The following PDGFRL variants were observed in gnomAD, a reference collection of about 807,000 sequenced individuals.
PDGFRL encodes platelet derived growth factor receptor like.
A neutral mutation model predicts 37.2 loss-of-function variants in PDGFRL; 46 were observed. That is an observed-to-expected ratio of 1.24 (90% CI 0.98 to 1.58). PDGFRL has a LOEUF of 1.58. Ranked by LOEUF, PDGFRL falls within the 40% of genes most tolerant of loss-of-function variation. PDGFRL has a pLI of 0.00. For synonymous variants in PDGFRL, 251 were observed against 184.3 expected, an observed-to-expected ratio of 1.36 and a Z score of -2.93; for missense variants, 692 against 467.6, an observed-to-expected ratio of 1.48 and a Z score of -4.43.
chr8:17,601,735 C>T lies in PDGFRL; in HGVS notation c.353+11970C>T, dbSNP rs141072013. On this transcript the variant is annotated intron_variant, in intron 2 of 5. Coordinates refer to ENST00000251630, the MANE Select transcript of PDGFRL (RefSeq NM_001372073.1). ...GCATGTGGTATTTAGTCTTCAGTTC[C>T]TGTGTTGGTTTACTTAGGATAATGG... Among the ~76,000 whole-genome samples, 391 of 152,170 alleles carry T rather than the reference C, an allele frequency of 2.6e-3. 5 individuals carry two copies. Among genetic ancestry groups the T allele is most frequent in the African/African-American group, 8.8e-3 (367 of 41,520 alleles).
chr8:17,640,659 G>T lies in PDGFRL; in HGVS notation c.940-1954G>T, dbSNP rs538622157. Among the ~76,000 whole-genome samples, 28 of 152,284 alleles carry T rather than the reference G, an allele frequency of 1.8e-4. No homozygotes were observed. The East Asian group carries it at 4.8e-3, about 26-fold the overall frequency. On this transcript the variant is annotated intron_variant, in intron 5 of 5. Transcript: ENST00000251630. ...CTCTCAGCCATGGATGCCAGCAGCT[G>T]CTCTAATGGAGGTGGCAGGGGAGTG...
At chr8:17,636,162 T>C (rs967159396) in intron 5 of PDGFRL, among the ~76,000 whole-genome samples, 3 of 152,210 alleles carry the variant, frequency 2.0e-5, no homozygotes, top group African/African-American at 7.2e-5. Flanking sequence ...ATTTGCTTTT[T>C]GGTTCTTGGT....
At chr8:17,611,532 A>G (rs968955100) in intron 2 of PDGFRL, among the ~76,000 whole-genome samples, 1 of 152,140 alleles carries the variant, frequency 6.6e-6, no homozygotes, top group African/African-American at 2.4e-5. Context: ...TTTTGGTCAG[A>G]TAGAAGAAGA....
chr8:17,639,105 T>C (rs562875857), intron 5 of PDGFRL, among the ~76,000 whole-genome samples: 12 of 152,158 alleles, frequency 7.9e-5, no homozygotes, highest in African/African-American at 2.9e-4. Flanking sequence ...GGTGTCCCTT[T>C]GCATGGAATA....
intron 2 of PDGFRL, among the ~76,000 whole-genome samples, chr8:17,606,894 GTTTTTT>G (rs1198809504): frequency 4.0e-5 from 5 of 123,676 alleles, no homozygotes; most frequent in Non-Finnish European, 6.8e-5. Flanking sequence ...TTGTTTTTTT[GTTTTTT>G]TTTTTTTTTT....
chr8:17,613,582 A>C (rs928092623), intron 2 of PDGFRL, among the ~76,000 whole-genome samples: 7 of 152,106 alleles, frequency 4.6e-5, no homozygotes, highest in African/African-American at 1.7e-4. Flanking sequence ...CTTCTTTTTC[A>C]ATAATCCAGA....
intron 1 of PDGFRL, among the ~76,000 whole-genome samples, chr8:17,581,453 G>A (rs1411435875): frequency 2.6e-5 from 4 of 152,134 alleles, no homozygotes; most frequent in African/African-American, 9.7e-5. Context: ...TTTGATTTAT[G>A]TTTTCAAAGG....
At chr8:17,631,487 C>T (rs1034212944) in intron 4 of PDGFRL, among the ~76,000 whole-genome samples, 2 of 152,128 alleles carry the variant, frequency 1.3e-5, no homozygotes, top group Non-Finnish European at 2.9e-5. Flanking sequence ...CCCTTACACC[C>T]TGTTACCAAA....
chr8:17,578,407 T>G (rs915369644), intron 1 of PDGFRL, among the ~76,000 whole-genome samples: 1 of 152,222 alleles, frequency 6.6e-6, no homozygotes, highest in Admixed American at 6.5e-5. Context: ...GTCGTGGTAC[T>G]TGAAGTTGAG....
chr8:17,600,082 G>A (rs1804135667), intron 2 of PDGFRL, among the ~76,000 whole-genome samples: 1 of 152,106 alleles, frequency 6.6e-6, no homozygotes, highest in Non-Finnish European at 1.5e-5. Flanking sequence ...CCAGTTCCCT[G>A]GGAGGAGTCT....
chr8:17,583,054 CA>C (rs1409891446), intron 1 of PDGFRL, among the ~76,000 whole-genome samples: 5 of 152,138 alleles, frequency 3.3e-5, no homozygotes, highest in African/African-American at 1.2e-4. Context: ...CCAGAGGGCA[CA>C]AGTTATAAAT....
At chr8:17,628,303 C>G (rs925608328) in intron 3 of PDGFRL, among the ~76,000 whole-genome samples, 184 bp from the exon 4 acceptor site, 1 of 152,054 alleles carries the variant, frequency 6.6e-6, no homozygotes, top group Non-Finnish European at 1.5e-5. Flanking sequence ...CTTCTGTTTT[C>G]TTTAAGGAGA....
intron 3 of PDGFRL, among the ~76,000 whole-genome samples, chr8:17,623,791 C>A (rs955276584): frequency 6.7e-6 from 1 of 150,008 alleles, no homozygotes; most frequent in Admixed American, 6.8e-5. Flanking sequence ...GGAGGATCGC[C>A]TGAATCTCGG....
chr8:17,601,857 T>C (rs1246989540), intron 2 of PDGFRL, among the ~76,000 whole-genome samples: 4 of 152,228 alleles, frequency 2.6e-5, no homozygotes, highest in African/African-American at 7.2e-5. Context: ...ATTTTCTTTA[T>C]GCAGTCTACT....
chr8:17,623,959 A>G (rs1248323334), intron 3 of PDGFRL, among the ~76,000 whole-genome samples: 2 of 152,096 alleles, frequency 1.3e-5, no homozygotes, highest in African/African-American at 4.8e-5. Context: ...TGGGAACCAA[A>G]GAAAAGCTAA....
At chr8:17,581,240 T>C (rs1803701405) in intron 1 of PDGFRL, among the ~76,000 whole-genome samples, 1 of 151,936 alleles carries the variant, frequency 6.6e-6, no homozygotes, top group African/African-American at 2.4e-5. Context: ...ACCCCGGAGG[T>C]AGCTGACAGC....
At chr8:17,640,895 G>A (rs1011365966) in intron 5 of PDGFRL, among the ~76,000 whole-genome samples, 4 of 152,022 alleles carry the variant, frequency 2.6e-5, no homozygotes, top group Non-Finnish European at 4.4e-5. Flanking sequence ...CCATTAGTTG[G>A]GGGTGGGCTA....
chr8:17,610,423 G>A (rs1460910246), intron 2 of PDGFRL, among the ~76,000 whole-genome samples: 1 of 152,152 alleles, frequency 6.6e-6, no homozygotes, highest in Non-Finnish European at 1.5e-5. Flanking sequence ...GAGCATTTCA[G>A]ATTTCAGATT....
At chr8:17,630,003 A>C (rs1479618599) in intron 4 of PDGFRL, among the ~76,000 whole-genome samples, 3 of 152,108 alleles carry the variant, frequency 2.0e-5, no homozygotes, top group Admixed American at 2.0e-4. Flanking sequence ...TCTCCTGTCC[A>C]GGAAAGAACC....
Sources: allele counts gnomAD v4.1 joint callset (sites outside exome capture counted in the v4.1 genomes callset), GRCh38; gene constraint gnomAD v4.1.1; transcripts MANE v1.5; gene names NCBI Gene and HGNC (gene_info 2026-07-23, HGNC 2026-07-21).